Variants in NTM observed in about 807,000 individuals in gnomAD.
NTM encodes IgLON family member 2.
NTM carries 13 observed loss-of-function variants against 42.1 expected under a neutral mutation model. That is an observed-to-expected ratio of 0.31 (90% CI 0.20 to 0.49). NTM has a LOEUF of 0.49. NTM is among the 20% of genes least tolerant of loss of function. NTM has a pLI of 0.99. For synonymous variants in NTM, 187 were observed against 179.2 expected, an observed-to-expected ratio of 1.04 and a Z score of -0.35; for missense variants, 373 against 452.8, an observed-to-expected ratio of 0.82 and a Z score of 1.60.
At chr11:132,304,650 T>A (rs2140153047) in intron 4 of NTM, among the ~76,000 whole-genome samples, 1 of 152,334 alleles carries the variant, frequency 6.6e-6, no homozygotes, top group Non-Finnish European at 1.5e-5. Flanking sequence ...CAACTTTCTC[T>A]CTGGTTTTGC....
chr11:131,789,663 G>GAA (rs1244811565), intron 1 of NTM, among the ~76,000 whole-genome samples: 5 of 120,636 alleles, frequency 4.1e-5, no homozygotes, highest in Non-Finnish European at 9.3e-5. Context: ...AGAAGAAGAA[G>GAA]AAGAAAGCAT....
chr11:131,607,625 CA>C lies in NTM; in HGVS notation c.82+236738del, dbSNP rs1169508119. On this transcript the variant is annotated intron_variant, in intron 1 of 8. Transcript: ENST00000683400. Reference sequence around the variant, plus strand: ...GTTAGCAGAGCCTGCCTGTAATGAACACTAGTTGCAAAATGCTAGACCAGCT... The same window carrying C: ...GTTAGCAGAGCCTGCCTGTAATGAACCTAGTTGCAAAATGCTAGACCAGCT... Among the ~76,000 whole-genome samples, 4 of 152,246 alleles carry C rather than the reference CA, an allele frequency of 2.6e-5. No individual in the cohort carries two copies. The East Asian group carries it at 7.7e-4, about 29-fold the overall frequency.
Position 132,070,182 on chromosome 11 carries a change from G to A in NTM, c.168-76100G>A, listed in dbSNP as rs1460490445. Among the ~76,000 whole-genome samples, 97 of 122,160 alleles carry A rather than the reference G, an allele frequency of 7.9e-4. 1 individual carries two copies. Among genetic ancestry groups the A allele is most frequent in the South Asian group, 2.2e-3 (9 of 4,108 alleles). The allele number at this position is 122,160 out of a possible 152,430, so 80.1% of individuals were successfully genotyped here. ...CTGACCGTCACAGGTTAGTTAACAC[G>A]TCACACAGCCAAGTTAACACGTCAA... On this transcript the variant is annotated intron_variant, in intron 2 of 8. Transcript: ENST00000683400.
intron 1 of NTM, among the ~76,000 whole-genome samples, chr11:131,853,083 G>A (rs1020032357): frequency 1.3e-5 from 2 of 149,864 alleles, no homozygotes; most frequent in East Asian, 3.9e-4. Context: ...CATTCAGGAA[G>A]AGAGTCAATC....
At chr11:131,634,913 G>A (rs1019851633) in intron 1 of NTM, among the ~76,000 whole-genome samples, 1 of 152,134 alleles carries the variant, frequency 6.6e-6, no homozygotes, top group Non-Finnish European at 1.5e-5. Flanking sequence ...GATATGATAC[G>A]TGTATATATA....
chr11:131,748,886 C>A (rs2082147387), intron 1 of NTM, among the ~76,000 whole-genome samples: 1 of 152,186 alleles, frequency 6.6e-6, no homozygotes, highest in Non-Finnish European at 1.5e-5. Flanking sequence ...GGCGGCCCTG[C>A]TTTCCTCACA....
At chr11:132,162,675 G>A (rs1332030584) in intron 3 of NTM, among the ~76,000 whole-genome samples, 4 of 151,018 alleles carry the variant, frequency 2.6e-5, no homozygotes, top group Admixed American at 2.6e-4. Context: ...GTGAGTGTGT[G>A]TGTGTTTGTG....
chr11:131,744,000 A>G (rs925718792), intron 1 of NTM, among the ~76,000 whole-genome samples: 1 of 152,206 alleles, frequency 6.6e-6, no homozygotes, highest in Non-Finnish European at 1.5e-5. Flanking sequence ...GACCCAAATG[A>G]CCATTTATGC....
intron 1 of NTM, among the ~76,000 whole-genome samples, chr11:131,798,640 C>A (rs531443718): frequency 6.6e-6 from 1 of 152,304 alleles, no homozygotes; most frequent in Admixed American, 6.5e-5. Context: ...AATTTAAGAC[C>A]TATTGATTTG....
chr11:131,731,123 G>T (rs373787757), intron 1 of NTM, among the ~76,000 whole-genome samples: 1 of 152,020 alleles, frequency 6.6e-6, no homozygotes, highest in Non-Finnish European at 1.5e-5. Context: ...TCTGACTGTT[G>T]GTTCTAACAT....
At chr11:131,952,255 T>C (rs2061084765) in intron 2 of NTM, among the ~76,000 whole-genome samples, 1 of 152,200 alleles carries the variant, frequency 6.6e-6, no homozygotes, top group Non-Finnish European at 1.5e-5. Context: ...AATTTCTAAC[T>C]GTATTACTAT....
chr11:131,864,236 C>T (rs7108800), intron 1 of NTM, among the ~76,000 whole-genome samples: 3,046 of 152,126 alleles, frequency 0.02, 90 homozygotes, highest in African/African-American at 0.07. Context: ...CAACGAAAGA[C>T]GAAACAAATC....
intron 1 of NTM, among the ~76,000 whole-genome samples, chr11:131,601,962 G>A (rs2060524631): frequency 6.6e-6 from 1 of 152,046 alleles, no homozygotes; most frequent in Non-Finnish European, 1.5e-5. Flanking sequence ...GGTGCCATAT[G>A]GTTCAAAACA....
intron 2 of NTM, among the ~76,000 whole-genome samples, chr11:132,132,526 C>T (rs890993276): frequency 6.6e-6 from 1 of 152,082 alleles, no homozygotes; most frequent in East Asian, 1.9e-4. Flanking sequence ...AGTGATGTAG[C>T]CATGTATTTG....
At position 132,164,637 on chromosome 11, in the gene NTM, A is replaced by G. The variant is rs1014026993; in HGVS notation, c.400+18123A>G. On this transcript the variant is annotated intron_variant, in intron 3 of 8. Transcript: ENST00000683400. ...TGGCTGAGGTAGAACCAGCATCTAA[A>G]TCTACTGTTGCCATGTTGTCCTTCT... 2.6e-5 allele frequency among the ~76,000 whole-genome samples: 4 copies of G among 152,178 alleles called. No homozygotes were observed. The East Asian group carries it at 7.7e-4, about 29-fold the overall frequency.
At chr11:132,074,841 A>T (rs2058156530) in intron 2 of NTM, among the ~76,000 whole-genome samples, 1 of 152,216 alleles carries the variant, frequency 6.6e-6, no homozygotes, top group Non-Finnish European at 1.5e-5. Flanking sequence ...GATAGTTAGA[A>T]GGAGGATATT....
intron 1 of NTM, among the ~76,000 whole-genome samples, chr11:131,830,282 T>A (rs1013877352): frequency 6.6e-6 from 1 of 152,236 alleles, no homozygotes; most frequent in Non-Finnish European, 1.5e-5. Context: ...GGTTTTCTTC[T>A]AGCATTCTTA....
At chr11:131,550,525 TC>T (rs1278424972) in intron 1 of NTM, among the ~76,000 whole-genome samples, 46 of 152,280 alleles carry the variant, frequency 3.0e-4, no homozygotes, top group African/African-American at 1.1e-3. Context: ...TTCTCTCTCT[TC>T]CTCCTGCTCT....
intron 4 of NTM, among the ~76,000 whole-genome samples, chr11:132,306,766 G>A (rs541513403): frequency 6.6e-6 from 1 of 152,216 alleles, no homozygotes; most frequent in African/African-American, 2.4e-5. Flanking sequence ...GATAGCTTGG[G>A]ATGTAAGCCC....
Sources: gnomAD v4.1 joint callset for allele counts (sites outside exome capture counted in the v4.1 genomes callset) on GRCh38, gnomAD v4.1.1 for gene constraint, MANE v1.5 for transcripts, NCBI Gene and HGNC (gene_info 2026-07-23, HGNC 2026-07-21) for gene names.